The following SLC25A4 variants were observed in gnomAD, a reference collection of about 807,000 sequenced individuals.
SLC25A4 encodes the protein solute carrier family 25 member 4.
In SLC25A4, 10 loss-of-function variants were observed where a neutral mutation model predicts 24.7. The ratio of observed to expected loss-of-function variants is 0.41; its 90% CI spans 0.25 to 0.69. SLC25A4 has a LOEUF of 0.69. SLC25A4 is among the 30% of genes least tolerant of loss of function. The pLI, the probability that SLC25A4 is intolerant of heterozygous loss-of-function variation, is 0.35. For missense variants in SLC25A4, 273 were observed against 387.6 expected, an observed-to-expected ratio of 0.70 and a Z score of 2.48; for synonymous variants, 125 against 153.3, an observed-to-expected ratio of 0.82 and a Z score of 1.36.
chr4:185,144,047 T>C (rs931324125), intron 1 of SLC25A4, among the ~76,000 whole-genome samples: 1 of 152,310 alleles, frequency 6.6e-6, no homozygotes, highest in East Asian at 1.9e-4. Context: ...GATCATCCTG[T>C]CTCCAAATCT....
Position 185,144,909 on chromosome 4 carries a change from C to A in SLC25A4, c.257C>A (p.Ala86Asp). ...ANVIRYFPTQ[A>D]LNFAFKDKYK... is the part of the protein sequence containing the mutation. The stretch of plus-strand genomic sequence containing the variant: ...GTGATCCGTTACTTCCCCACCCAAG[C>A]TCTCAACTTCGCCTTCAAGGACAAG... The change falls in exon 2 of 4, where the codon GCT becomes GAT. Residue 86 changes from alanine (A) to aspartate (D), a missense_variant. Ala to Asp is a moderately radical substitution (Grantham distance 126, BLOSUM62 -2). Transcript: ENST00000281456. 1 of 1,614,216 alleles carries A rather than the reference C, an allele frequency of 6.2e-7. No individual in the cohort carries two copies. Among genetic ancestry groups the A allele is most frequent in the South Asian group, 1.1e-5 (1 of 91,090 alleles).
In SLC25A4 at chr4:185,147,291, CT is replaced by C; in HGVS notation, c.*321del. 1 of 261,740 alleles carries C rather than the reference CT, an allele frequency of 3.8e-6. No individual in the cohort carries two copies. Among genetic ancestry groups the C allele is most frequent in the South Asian group, 5.9e-5 (1 of 16,814 alleles). 16.2% of individuals were successfully genotyped at this position (261,740 alleles called of 1,614,324 possible). ...AATGCACGCTTTCTATTTTATTGAA[CT>C]CTTATTAACTGTAAAATGCATTTTT... On this transcript the variant is annotated 3_prime_UTR_variant, in exon 4 of 4. Transcript: ENST00000281456.
Position 185,149,959 on chromosome 4 carries a change from T to G in SLC25A4, c.*2988T>G, listed in dbSNP as rs368041673. On this transcript the variant is annotated 3_prime_UTR_variant, in exon 4 of 4. Coordinates refer to ENST00000281456, the MANE Select transcript of SLC25A4 (RefSeq NM_001151.4). ...AACAATGAAAACTTGTCTCAAGTATTTGTGTTGAAATCTCAATTAACTGGG... is the reference window on the plus strand; with the variant it reads ...AACAATGAAAACTTGTCTCAAGTATGTGTGTTGAAATCTCAATTAACTGGG... 6 of 152,366 alleles carry G rather than the reference T, an allele frequency of 3.9e-5. No individual in the cohort carries two copies. The highest frequency in any genetic ancestry group is 1.4e-4 in the African/African-American group (6 of 41,586). The allele number at this position is 152,366 out of a possible 1,614,324, so 9.4% of individuals were successfully genotyped here. A position where few individuals can be genotyped will look rare whatever the true frequency, so the allele number is the denominator to read the frequency against.
rs776229952 is a variant in SLC25A4, at chr4:185,146,815, C to T, written c.741C>T (p.Ala247=). ...RMMMQSGRKG[A]DIMYTGTVDC... ...CCTCACCAGCATTTGTTTCCACAGC[C>T]GATATTATGTACACGGGGACAGTTG... Residue 247 remains alanine (A), a splice_region_variant and synonymous_variant, in exon 4 of 4, where the codon GCC becomes GCT. Coordinates refer to ENST00000281456, the MANE Select transcript of SLC25A4 (RefSeq NM_001151.4). The T allele has an allele frequency of 1.4e-5, 23 of 1,613,976 alleles. No individual in the cohort carries two copies. The highest frequency in any genetic ancestry group is 1.7e-5 in the Admixed American group (1 of 60,008).
In SLC25A4 at chr4:185,147,996, A is replaced by G. The variant is rs1734473168; in HGVS notation, c.*1025A>G. On this transcript the variant is annotated 3_prime_UTR_variant, in exon 4 of 4. Coordinates refer to ENST00000281456, the MANE Select transcript of SLC25A4 (RefSeq NM_001151.4). ...ACTCTGTCTCAAAAAAAAAAAAAAG[A>G]AAGAAAATCAGTTGTCTTAGTTTAA... 1 of 151,806 alleles carries G rather than the reference A, an allele frequency of 6.6e-6. No individual in the cohort carries two copies. The highest frequency in any genetic ancestry group is 1.5e-5 in the Non-Finnish European group (1 of 67,956). The allele number at this position is 151,806 out of a possible 1,614,324, so 9.4% of individuals were successfully genotyped here. A position where few individuals can be genotyped will look rare whatever the true frequency, so the allele number is the denominator to read the frequency against.
At position 185,143,357 on chromosome 4, in the gene SLC25A4, G is replaced by A. The variant is rs200276407; in HGVS notation, c.-16G>A. 13 of 1,464,152 alleles carry A rather than the reference G, an allele frequency of 8.9e-6. No individual in the cohort carries two copies. The South Asian group carries it at 9.8e-5, about 11-fold the overall frequency. 90.7% of individuals were successfully genotyped at this position (1,464,152 alleles called of 1,614,324 possible). A position where few individuals can be genotyped will look rare whatever the true frequency, so the allele number is the denominator to read the frequency against. On this transcript the variant is annotated 5_prime_UTR_variant, in exon 1 of 4. Transcript: ENST00000281456. The stretch of plus-strand genomic sequence containing the variant: ...CGAACGGGCTGCCTGCGGGCTGAGA[G>A]CGTCGAGCTGTCACCATGGGTGATC...
At position 185,148,188 on chromosome 4, in the gene SLC25A4, A is replaced by C. The variant is rs1048884006; in HGVS notation, c.*1217A>C. 2.6e-5 allele frequency: 4 copies of C among 152,092 alleles called. No homozygotes were observed. Among genetic ancestry groups the C allele is most frequent in the Non-Finnish European group, 5.9e-5 (4 of 68,018 alleles). 9.4% of individuals were successfully genotyped at this position (152,092 alleles called of 1,614,324 possible). Reference sequence around the variant, plus strand: ...GACTTCTTGTATCCTTACATGGCAGAAAGAGCGACAGAGCTCTCTGTAGTC... The same window carrying C: ...GACTTCTTGTATCCTTACATGGCAGCAAGAGCGACAGAGCTCTCTGTAGTC... On this transcript the variant is annotated 3_prime_UTR_variant, in exon 4 of 4. Transcript: ENST00000281456.
rs1734428217 is a variant in SLC25A4 at position 185,145,620 on chromosome 4, T to C, written c.599-139T>C. ...CACCTTTGCTGTCTGCCTGGTCATA[T>C]GTGAAGCACCTGCACAGGGGCAGGT... On this transcript the variant is annotated intron_variant, in intron 2 of 3. Coordinates refer to ENST00000281456, the MANE Select transcript of SLC25A4 (RefSeq NM_001151.4). The surrounding 1 kb of genome is among the most constrained non-coding windows in gnomAD (Gnocchi z 5.5). The C allele has an allele frequency of 9.5e-7, 1 of 1,056,174 alleles. No homozygotes were observed. The highest frequency in any genetic ancestry group is 2.2e-5 in the Admixed American group (1 of 45,312). The allele number at this position is 1,056,174 out of a possible 1,614,324, so 65.4% of individuals were successfully genotyped here.
In SLC25A4 at chr4:185,145,522, A is replaced by T; in HGVS notation, c.599-237A>T. ...CACAGCCATAGCAGTTACTGAGTTT[A>T]ACTTGAAGCCACTTCCAATGCCCTG... is the stretch of plus-strand genomic sequence containing the variant. On this transcript the variant is annotated intron_variant, in intron 2 of 3. Coordinates refer to ENST00000281456, the MANE Select transcript of SLC25A4 (RefSeq NM_001151.4). The surrounding 1 kb of genome is among the most constrained non-coding windows in gnomAD (Gnocchi z 5.5). 1 of 668,544 alleles carries T rather than the reference A, an allele frequency of 1.5e-6. No individual in the cohort carries two copies. The highest frequency in any genetic ancestry group is 2.5e-6 in the Non-Finnish European group (1 of 399,888). 41.4% of individuals were successfully genotyped at this position (668,544 alleles called of 1,614,324 possible). A position where few individuals can be genotyped will look rare whatever the true frequency, so the allele number is the denominator to read the frequency against.
chr4:185,145,700 C>G lies in SLC25A4; in HGVS notation c.599-59C>G, dbSNP rs1734429418. The G allele has an allele frequency of 6.2e-7, 1 of 1,606,784 alleles. No homozygotes were observed. The highest frequency in any genetic ancestry group is 1.7e-5 in the Admixed American group (1 of 59,882). ...GGTGCAGTGGCCTCTCTCCCTCCAC[C>G]TGCTTTCTGCTGAGAACAGGCACTT... On this transcript the variant is annotated intron_variant, in intron 2 of 3. Coordinates refer to ENST00000281456, the MANE Select transcript of SLC25A4 (RefSeq NM_001151.4). This position sits in a 1 kb window ranked among gnomAD's most constrained non-coding sequence, Gnocchi z 5.5.
In SLC25A4 at chr4:185,145,268, G is replaced by T; in HGVS notation, c.598+18G>T. ...TGCCAAGGGTGAGAGAGGGGCATCG[G>T]GGAGAAGGAGGGTGGTGTGGAAAGA... On this transcript the variant is annotated intron_variant, in intron 2 of 3. Coordinates refer to ENST00000281456, the MANE Select transcript of SLC25A4 (RefSeq NM_001151.4). The surrounding 1 kb of genome is among the most constrained non-coding windows in gnomAD (Gnocchi z 5.5). 6.2e-7 allele frequency: 1 copy of T among 1,613,692 alleles called. No individual in the cohort carries two copies. Among genetic ancestry groups the T allele is most frequent in the South Asian group, 1.1e-5 (1 of 91,038 alleles).
In SLC25A4 at chr4:185,145,694, C is replaced by G; in HGVS notation, c.599-65C>G. 1 of 1,602,334 alleles carries G rather than the reference C, an allele frequency of 6.2e-7. No homozygotes were observed. The highest frequency in any genetic ancestry group is 1.7e-4 in the Middle Eastern group (1 of 6,010). On this transcript the variant is annotated intron_variant, in intron 2 of 3. Transcript: ENST00000281456. This position sits in a 1 kb window ranked among gnomAD's most constrained non-coding sequence, Gnocchi z 5.5. Reference sequence around the variant, plus strand: ...GCTGGAGGTGCAGTGGCCTCTCTCCCTCCACCTGCTTTCTGCTGAGAACAG... The same window carrying G: ...GCTGGAGGTGCAGTGGCCTCTCTCCGTCCACCTGCTTTCTGCTGAGAACAG...
Position 185,145,147 on chromosome 4 carries a change from C to A in SLC25A4, c.495C>A (p.Phe165Leu), listed in dbSNP as rs1223067634. The A allele has an allele frequency of 6.2e-7, 1 of 1,613,300 alleles. No homozygotes were observed. The highest frequency in any genetic ancestry group is 1.1e-5 in the South Asian group (1 of 91,018). The change falls in exon 2 of 4, where the codon TTC (phenylalanine) becomes TTA (leucine). Residue 165 changes from phenylalanine to leucine, a missense_variant. Transcript: ENST00000281456. This position sits in a 1 kb window ranked among gnomAD's most constrained non-coding sequence, Gnocchi z 5.5. ...TGGGCGACTGTATCATCAAGATCTTCAAGTCTGATGGCCTGAGGGGGCTCT... is the reference window on the plus strand; with the variant it reads ...TGGGCGACTGTATCATCAAGATCTTAAAGTCTGATGGCCTGAGGGGGCTCT... The part of the protein sequence containing the change: ...HGLGDCIIKI[F>L]KSDGLRGLYQ...
At chr4:185,146,742 A>G in intron 3 of SLC25A4, 72 bp from the exon 4 acceptor site, 1 of 1,561,862 alleles carries the variant, frequency 6.4e-7, no homozygotes, top group Non-Finnish European at 8.8e-7. Context: ...AACAGTGTGT[A>G]CAGATATGTT....
chr4:185,146,861 A>G lies in SLC25A4; in HGVS notation c.787A>G (p.Lys263Glu). ...GTVDCWRKIAKDEGAKAFFKG... is the reference protein window; with the variant it reads ...GTVDCWRKIAEDEGAKAFFKG... ...AGTTGACTGCTGGAGGAAGATTGCAAAAGACGAAGGAGCCAAGGCCTTCTT... is the reference window on the plus strand; with the variant it reads ...AGTTGACTGCTGGAGGAAGATTGCAGAAGACGAAGGAGCCAAGGCCTTCTT... Residue 263 changes from lysine (K) to glutamate (E), a missense_variant, in exon 4 of 4, where the codon AAA becomes GAA. Transcript: ENST00000281456. 3.1e-6 allele frequency: 5 copies of G among 1,614,230 alleles called. No individual in the cohort carries two copies. Among genetic ancestry groups the G allele is most frequent in the Non-Finnish European group, 4.2e-6 (5 of 1,180,038 alleles).
Position 185,149,930 on chromosome 4 carries a change from T to G in SLC25A4, c.*2959T>G, listed in dbSNP as rs896619690. ...GTCCATAATGGTAATAATTGGACAC[T>G]AAAAACAATGAAAACTTGTCTCAAG... On this transcript the variant is annotated 3_prime_UTR_variant, in exon 4 of 4. Coordinates refer to ENST00000281456, the MANE Select transcript of SLC25A4 (RefSeq NM_001151.4). 6.6e-6 allele frequency: 1 copy of G among 152,258 alleles called. No individual in the cohort carries two copies. Among genetic ancestry groups the G allele is most frequent in the African/African-American group, 2.4e-5 (1 of 41,474 alleles). The allele number at this position is 152,258 out of a possible 1,614,324, so 9.4% of individuals were successfully genotyped here.
In SLC25A4 at chr4:185,150,274, C is replaced by T. The variant is rs1052898444; in HGVS notation, c.*3303C>T. The T allele has an allele frequency of 6.6e-6, 1 of 152,222 alleles. No homozygotes were observed. The highest frequency in any genetic ancestry group is 1.5e-5 in the Non-Finnish European group (1 of 68,030). The allele number at this position is 152,222 out of a possible 1,614,324, so 9.4% of individuals were successfully genotyped here. A position where few individuals can be genotyped will look rare whatever the true frequency, so the allele number is the denominator to read the frequency against. ...GGTGAAATCTTGAACGTGCAAAGCA[C>T]CATGGGGGTGGCTGGACAGGCTTGT... On this transcript the variant is annotated 3_prime_UTR_variant, in exon 4 of 4. Transcript: ENST00000281456.
intron 1 of SLC25A4, 23 bp downstream of exon 1, chr4:185,143,506 GGC>G: frequency 1.8e-6 from 2 of 1,122,862 alleles, no homozygotes; most frequent in South Asian, 6.6e-5. Context: ...CGGTGCAAGA[GGC>G]GGGCGCGGGC....
At chr4:185,144,204 C>G (rs1421391380) in intron 1 of SLC25A4, among the ~76,000 whole-genome samples, 1 of 152,166 alleles carries the variant, frequency 6.6e-6, no homozygotes, top group Non-Finnish European at 1.5e-5. Flanking sequence ...TTGCTCACAA[C>G]GGCAGCAAAC....
Sources: gnomAD v4.1 joint callset for allele counts (sites outside exome capture counted in the v4.1 genomes callset) on GRCh38, gnomAD v4.1.1 for gene constraint, Gnocchi (gnomAD v3.1) non-coding constraint, MANE v1.5 for transcripts, NCBI Gene and HGNC (gene_info 2026-07-23, HGNC 2026-07-21) for gene names.